ITGB3: variants seen among roughly 807,000 people sequenced by gnomAD.
The protein encoded by ITGB3 is integrin beta-3.
Under a neutral mutation model 85.8 loss-of-function variants are expected in ITGB3, and 48 were observed. That is an observed-to-expected ratio of 0.56 (90% CI 0.44 to 0.71). The LOEUF is 0.71. Among genes scored for constraint, ITGB3 ranks in the 30% least tolerant of loss-of-function variants. The probability of loss-of-function intolerance (pLI) is 0.00; values close to 1 mark genes in which losing one functional copy is unlikely to be tolerated. For synonymous variants in ITGB3, 363 were observed against 395.6 expected (o/e 0.92, Z 0.98); for missense variants, 861 against 1,019.1 (o/e 0.84, Z 2.11).
rs2065223161 is a variant in ITGB3, at chr17:47,313,281, C to T, written c.*3077C>T. ...GAAGCACTGTGCCCGGCCAGTCATC[C>T]ATGATTTTAATGGGGTCCAAAGGCC... On this transcript the variant is annotated 3_prime_UTR_variant, in exon 15 of 15. Transcript: ENST00000559488. Among the ~76,000 whole-genome samples, 2 of 151,364 alleles carry T rather than the reference C, an allele frequency of 1.3e-5. No homozygotes were observed.
intron 9 of ITGB3, 46 bp downstream of exon 9, chr17:47,291,134 AC>A (rs1454373891): frequency 6.2e-7 from 1 of 1,612,592 alleles, no homozygotes; most frequent in Non-Finnish European, 8.5e-7. Context: ...ATCTGTGGGC[AC>A]CCAACCCCCT....
At position 47,313,550 on chromosome 17, in the gene ITGB3, G is replaced by A. The variant is rs188886946; in HGVS notation, c.*3346G>A. On this transcript the variant is annotated 3_prime_UTR_variant, in exon 15 of 15. Transcript: ENST00000559488. ...ATTTTTAGTAGAGACGGGGTTTCAC[G>A]GTGTTAGCCAGGAAGGTCTCGATCT... is the stretch of plus-strand genomic sequence containing the variant. Among the ~76,000 whole-genome samples the A allele has an allele frequency of 5.2e-3, 785 of 151,250 alleles. 6 individuals are homozygous for A. The highest frequency in any genetic ancestry group is 0.018 in the African/African-American group (754 of 41,206).
intron 9 of ITGB3, 74 bp from the exon 10 acceptor site, chr17:47,292,065 C>CTT: frequency 1.3e-6 from 2 of 1,513,402 alleles, no homozygotes; most frequent in Non-Finnish European, 1.8e-6. Context: ...CAGGGAACAA[C>CTT]TTTTTTTTTC....
intron 1 of ITGB3, 113 bp downstream of exon 1, chr17:47,254,053 G>T: frequency 3.1e-6 from 2 of 647,030 alleles, no homozygotes; most frequent in South Asian, 4.5e-5. Flanking sequence ...CGTCTGCGCT[G>T]GGAATGCGCG....
At chr17:47,274,532 C>G in intron 2 of ITGB3, 28 bp downstream of exon 2, 1 of 1,589,396 alleles carries the variant, frequency 6.3e-7, no homozygotes, top group Non-Finnish European at 8.6e-7. Context: ...GACCTTGTTT[C>G]TTCTCCAGAC....
At position 47,284,677 on chromosome 17, in the gene ITGB3, T is replaced by C; in HGVS notation, c.596T>C (p.Leu199Pro). 6.2e-7 allele frequency: 1 copy of C among 1,614,130 alleles called. No homozygotes were observed. Among genetic ancestry groups the C allele is most frequent in the South Asian group, 1.1e-5 (1 of 91,082 alleles). Reference sequence around the variant, plus strand: ...ATGTATATCTCCCCACCAGAGGCCCTCGAAAACCCCTGCTATGAGTAAGTC... The same window carrying C: ...ATGTATATCTCCCCACCAGAGGCCCCCGAAAACCCCTGCTATGAGTAAGTC... ...PYMYISPPEA[L>P]ENPCYDMKTT... is the part of the protein sequence containing the mutation. Residue 199 changes from leucine to proline, a missense_variant, in exon 4 of 15, where the codon CTC (leucine) becomes CCC (proline). Leu to Pro is a moderately conservative substitution (Grantham distance 98). Transcript: ENST00000559488.
At chr17:47,270,150 G>A (rs142105530) in intron 1 of ITGB3, among the ~76,000 whole-genome samples, 4 of 152,252 alleles carry the variant, frequency 2.6e-5, no homozygotes, top group African/African-American at 4.8e-5. Context: ...TGACCTGTGG[G>A]GATTATGGGT....
chr17:47,283,546 C>T lies in ITGB3; in HGVS notation c.358C>T (p.Pro120Ser). ...SPQRIALRLR[P>S]DDSKNFSIQV... Reference sequence around the variant, plus strand: ...CCAGAGGATTGCACTCCGGCTCCGGCCAGGTAGGGCTGGGACTCTTTGCGG... The same window carrying T: ...CCAGAGGATTGCACTCCGGCTCCGGTCAGGTAGGGCTGGGACTCTTTGCGG... The change falls in exon 3 of 15, where the codon CCA (proline) becomes TCA (serine). Residue 120 changes from proline (P) to serine (S), a missense_variant. Coordinates refer to ENST00000559488, the MANE Select transcript of ITGB3 (RefSeq NM_000212.3). 1 of 1,614,098 alleles carries T rather than the reference C, an allele frequency of 6.2e-7. No homozygotes were observed. The highest frequency in any genetic ancestry group is 8.5e-7 in the Non-Finnish European group (1 of 1,180,000).
Position 47,280,765 on chromosome 17 carries a change from T to G in ITGB3, c.166-2589T>G, listed in dbSNP as rs75532476. Among the ~76,000 whole-genome samples, 1,366 of 152,320 alleles carry G rather than the reference T, an allele frequency of 9.0e-3. 19 individuals carry two copies. Among genetic ancestry groups the G allele is most frequent in the African/African-American group, 0.03 (1,252 of 41,564 alleles). ...CTGAGGAGGCAGATGTCATCCATCC[T>G]TCTCCATCCCTCGCACATGCCCACC... On this transcript the variant is annotated intron_variant, in intron 2 of 14. Transcript: ENST00000559488.
intron 1 of ITGB3, among the ~76,000 whole-genome samples, chr17:47,269,163 A>T (rs1446249757): frequency 6.6e-6 from 1 of 152,172 alleles, no homozygotes; most frequent in African/African-American, 2.4e-5. Context: ...CAGCCCAGGA[A>T]ACCATTTTTT....
At chr17:47,258,593 C>T (rs561267590) in intron 1 of ITGB3, among the ~76,000 whole-genome samples, 1 of 152,162 alleles carries the variant, frequency 6.6e-6, no homozygotes, top group African/African-American at 2.4e-5. Flanking sequence ...CTAAAATTCC[C>T]CCAAGCTCTT....
chr17:47,301,146 GA>G (rs200125200), intron 12 of ITGB3, among the ~76,000 whole-genome samples: 1,557 of 152,002 alleles, frequency 0.01, 34 homozygotes, highest in East Asian at 0.048. Context: ...ACAATAGGGA[GA>G]AAAAAAATCT....
intron 13 of ITGB3, among the ~76,000 whole-genome samples, 158 bp downstream of exon 13, chr17:47,302,998 A>T (rs1210889470): frequency 6.6e-6 from 1 of 152,242 alleles, no homozygotes; most frequent in African/African-American, 2.4e-5. Flanking sequence ...CTGTAATCCC[A>T]GCAGTTTGGA....
chr17:47,290,843 G>T, intron 8 of ITGB3, 111 bp from the exon 9 acceptor site: 3 of 1,267,688 alleles, frequency 2.4e-6, no homozygotes, highest in East Asian at 2.3e-5. Context: ...GGCACTGCTG[G>T]GGTGAGTCCA....
intron 10 of ITGB3, among the ~76,000 whole-genome samples, chr17:47,297,433 A>G (rs2065149943): frequency 6.6e-6 from 1 of 152,182 alleles, no homozygotes; most frequent in African/African-American, 2.4e-5. Flanking sequence ...AGGCACATGG[A>G]TCACCTGAGG....
Position 47,299,234 on chromosome 17 carries a change from G to T in ITGB3, c.1691-74G>T. 7.3e-7 allele frequency: 1 copy of T among 1,377,356 alleles called. No individual in the cohort carries two copies. The highest frequency in any genetic ancestry group is 1.0e-6 in the Non-Finnish European group (1 of 976,346). The allele number at this position is 1,377,356 out of a possible 1,614,324, so 85.3% of individuals were successfully genotyped here. A position where few individuals can be genotyped will look rare whatever the true frequency, so the allele number is the denominator to read the frequency against. ...TCTGTGTGGTTGGGAGAGCAGGATG[G>T]TCGTGTGTAGCCTGCTGCCATGGGA... On this transcript the variant is annotated intron_variant, in intron 10 of 14. Transcript: ENST00000559488. The surrounding 1 kb of genome is among the most constrained non-coding windows in gnomAD (Gnocchi z 5.1).
At position 47,258,434 on chromosome 17, in the gene ITGB3, CT is replaced by C. The variant is rs545172183; in HGVS notation, c.79+4507del. Among the ~76,000 whole-genome samples the C allele has an allele frequency of 4.9e-3, 707 of 144,444 alleles. 1 individual carries two copies. The highest frequency in any genetic ancestry group is 0.01 in the African/African-American group (405 of 39,746). The allele number at this position is 144,444 out of a possible 152,430, so 94.8% of individuals were successfully genotyped here. On this transcript the variant is annotated intron_variant, in intron 1 of 14. Coordinates refer to ENST00000559488, the MANE Select transcript of ITGB3 (RefSeq NM_000212.3). ...CACACACAGTCTCACCAAAAACACT[CT>C]TTTTTTTTTTTTGTTAGATAATTCA...
chr17:47,282,022 T>C (rs982073950), intron 2 of ITGB3, among the ~76,000 whole-genome samples: 1 of 152,122 alleles, frequency 6.6e-6, no homozygotes, highest in African/African-American at 2.4e-5. Flanking sequence ...GATCTTGGCT[T>C]GCTGCAACCT....
chr17:47,297,119 G>A (rs1181767155), intron 10 of ITGB3, among the ~76,000 whole-genome samples: 1 of 152,108 alleles, frequency 6.6e-6, no homozygotes, highest in East Asian at 1.9e-4. Context: ...TCTTCTGTTG[G>A]TTAAGGCCAT....
Sources: gnomAD v4.1 joint callset for allele counts (sites outside exome capture counted in the v4.1 genomes callset) on GRCh38, gnomAD v4.1.1 for gene constraint, Gnocchi (gnomAD v3.1) non-coding constraint, MANE v1.5 for transcripts, NCBI Gene and HGNC (gene_info 2026-07-23, HGNC 2026-07-21) for gene names.